CD160: variants seen among roughly 807,000 people sequenced by gnomAD.
CD160 encodes CD160 antigen.
Under a neutral mutation model 19.2 loss-of-function variants are expected in CD160, and 11 were observed. The observed-to-expected ratio is 0.57, with a 90% confidence interval of 0.36 to 0.95. The LOEUF (loss-of-function observed/expected upper bound fraction) is 0.95. Ranked by LOEUF, CD160 falls within the 40% of genes least tolerant of loss-of-function variation. The pLI, the probability that CD160 is intolerant of heterozygous loss-of-function variation, is 0.01. For synonymous variants in CD160, 75 were observed against 81.1 expected, an observed-to-expected ratio of 0.93 and a Z score of 0.40; for missense variants, 182 against 213.2, an observed-to-expected ratio of 0.85 and a Z score of 0.91.
At chr1:145,722,885 C>T (rs1210708476) in intron 1 of CD160, among the ~76,000 whole-genome samples, 3 of 152,164 alleles carry the variant, frequency 2.0e-5, no homozygotes, top group Non-Finnish European at 4.4e-5. Flanking sequence ...TGAGACACCG[C>T]GCCCGGCGCC....
At chr1:145,719,615 G>A (rs1358215384) in intron 1 of CD160, 56 bp downstream of exon 1, 1 of 152,338 alleles carries the variant, frequency 6.6e-6, no homozygotes, top group East Asian at 1.9e-4. Flanking sequence ...ATGGTTGACA[G>A]AACTGCTCAG....
chr1:145,731,113 A>G (rs587628781), intron 4 of CD160, 43 bp downstream of exon 4: 1 of 1,494,714 alleles, frequency 6.7e-7, no homozygotes, highest in East Asian at 2.3e-5. Flanking sequence ...TGGGACAGTG[A>G]GCAGGGTTGA....
intron 5 of CD160, 40 bp downstream of exon 5, chr1:145,736,174 G>A (rs782042903): frequency 6.2e-6 from 10 of 1,613,784 alleles, no homozygotes; most frequent in Middle Eastern, 1.7e-4. Flanking sequence ...AGCAATGAGG[G>A]TGCTATTATA....
intron 4 of CD160, 75 bp downstream of exon 4, chr1:145,731,145 G>C: frequency 8.5e-7 from 1 of 1,181,120 alleles, no homozygotes. Flanking sequence ...TAACCAGATA[G>C]TTCAGGTCCT....
rs782664874 is a variant in CD160 at position 145,724,841 on chromosome 1, A to G, written c.-138A>G. On this transcript the variant is annotated 5_prime_UTR_variant, in exon 2 of 6. The change creates a new upstream start codon in the 5' untranslated region. Transcript: ENST00000369288. ...CAGGCCAGAGTGCAGTGAAGATCATACCTCACTACATCCGTGAACTCCCGG... is the reference window on the plus strand; with the variant it reads ...CAGGCCAGAGTGCAGTGAAGATCATGCCTCACTACATCCGTGAACTCCCGG... 1 of 151,968 alleles carries G rather than the reference A, an allele frequency of 6.6e-6. No individual in the cohort carries two copies. Among genetic ancestry groups the G allele is most frequent in the Non-Finnish European group, 1.5e-5 (1 of 68,008 alleles). 9.4% of individuals were successfully genotyped at this position (151,968 alleles called of 1,614,324 possible). A position where few individuals can be genotyped will look rare whatever the true frequency, so the allele number is the denominator to read the frequency against.
Position 145,728,249 on chromosome 1 carries a change from C to A in CD160, c.-72-7C>A, listed in dbSNP as rs1571677963. 9.5e-7 allele frequency: 1 copy of A among 1,054,274 alleles called. No homozygotes were observed. Among genetic ancestry groups the A allele is most frequent in the Non-Finnish European group, 1.5e-6 (1 of 684,962 alleles). 65.3% of individuals were successfully genotyped at this position (1,054,274 alleles called of 1,614,324 possible). ...GCTTTGTCTAGTGGGTCCCCCTGTG[C>A]TTTTAGGAGACTGAAGCCAAGGATA... On this transcript the variant is annotated splice_region_variant and splice_polypyrimidine_tract_variant and intron_variant, in intron 2 of 5. Transcript: ENST00000369288.
At chr1:145,730,701 A>G in intron 3 of CD160, 43 bp from the exon 4 acceptor site, 1 of 1,536,034 alleles carries the variant, frequency 6.5e-7, no homozygotes. Flanking sequence ...AAATTCACAG[A>G]ATGCTACCTG....
At chr1:145,724,430 G>T (rs956381823) in intron 1 of CD160, among the ~76,000 whole-genome samples, 2 of 152,062 alleles carry the variant, frequency 1.3e-5, no homozygotes, top group Admixed American at 1.3e-4. Flanking sequence ...TGAAATAACA[G>T]AAATAATAGG....
intron 4 of CD160, among the ~76,000 whole-genome samples, 167 bp from the exon 5 acceptor site, chr1:145,735,830 C>G (rs900051683): frequency 2.0e-5 from 3 of 152,064 alleles, no homozygotes; most frequent in Non-Finnish European, 4.4e-5. Flanking sequence ...TTATGGCTGC[C>G]TAAGTACATC....
intron 5 of CD160, chr1:145,736,701 C>G (rs782196120): frequency 6.2e-6 from 1 of 160,524 alleles, no homozygotes; most frequent in African/African-American, 2.4e-5. Flanking sequence ...TTTTGCCTGG[C>G]CTTGGCATTC....
intron 1 of CD160, 58 bp from the exon 2 acceptor site, chr1:145,724,742 TG>T (rs1656984853): frequency 6.6e-6 from 1 of 152,154 alleles, no homozygotes; most frequent in Non-Finnish European, 1.5e-5. Context: ...TTTAATATCT[TG>T]TATGATTGGT....
intron 4 of CD160, among the ~76,000 whole-genome samples, chr1:145,733,183 G>C (rs1405637399): frequency 2.0e-5 from 3 of 151,972 alleles, no homozygotes; most frequent in Non-Finnish European, 4.4e-5. Flanking sequence ...GTCCGGGCTG[G>C]AGAGCAGTGG....
chr1:145,732,783 C>A (rs1657347089), intron 4 of CD160, among the ~76,000 whole-genome samples: 1 of 152,132 alleles, frequency 6.6e-6, no homozygotes, highest in Non-Finnish European at 1.5e-5. Context: ...AAAAATAACA[C>A]AGAATCCAAA....
intron 3 of CD160, among the ~76,000 whole-genome samples, chr1:145,728,756 G>A (rs1424804992): frequency 6.6e-6 from 1 of 151,932 alleles, no homozygotes; most frequent in Non-Finnish European, 1.5e-5. Context: ...ATCCTCAGGC[G>A]CCCGGCTGAC....
At chr1:145,724,565 C>T (rs1656978276) in intron 1 of CD160, among the ~76,000 whole-genome samples, 1 of 152,108 alleles carries the variant, frequency 6.6e-6, no homozygotes, top group Non-Finnish European at 1.5e-5. Flanking sequence ...CATCCATTAC[C>T]ATTTTACTTA....
chr1:145,725,308 C>T (rs1386361835), intron 2 of CD160, among the ~76,000 whole-genome samples: 1 of 150,412 alleles, frequency 6.6e-6, no homozygotes, highest in Non-Finnish European at 1.5e-5. Context: ...ATCCCAGATA[C>T]TCGGCAGGCG....
At chr1:145,720,952 G>A (rs1217189972) in intron 1 of CD160, among the ~76,000 whole-genome samples, 8 of 152,178 alleles carry the variant, frequency 5.3e-5, no homozygotes, top group Admixed American at 5.2e-4. Context: ...GAGCCCTGGG[G>A]CCACCAGCGC....
rs1657591229 is a variant in CD160 at position 145,738,607 on chromosome 1, A to G, written c.*114A>G. 1.7e-6 allele frequency: 1 copy of G among 605,146 alleles called. No homozygotes were observed. The highest frequency in any genetic ancestry group is 3.2e-5 in the Admixed American group (1 of 31,382). 37.5% of individuals were successfully genotyped at this position (605,146 alleles called of 1,614,324 possible). ...GAAGAATGCAACAGGGCACAGGGGAAGAGATGCTAAATATACCAAGAATCT... is the reference window on the plus strand; with the variant it reads ...GAAGAATGCAACAGGGCACAGGGGAGGAGATGCTAAATATACCAAGAATCT... On this transcript the variant is annotated 3_prime_UTR_variant, in exon 6 of 6. Coordinates refer to ENST00000369288, the MANE Select transcript of CD160 (RefSeq NM_007053.4).
chr1:145,722,844 T>A (rs587671450), intron 1 of CD160, among the ~76,000 whole-genome samples: 2 of 152,252 alleles, frequency 1.3e-5, no homozygotes, highest in South Asian at 4.1e-4. Context: ...TCTGCCCACC[T>A]CGGCCTCCCA....
Sources: gnomAD v4.1 joint callset for allele counts (sites outside exome capture counted in the v4.1 genomes callset) on GRCh38, gnomAD v4.1.1 for gene constraint, MANE v1.5 for transcripts, NCBI Gene and HGNC (gene_info 2026-07-23, HGNC 2026-07-21) for gene names.